Variants in LUZP1 observed in about 807,000 individuals in gnomAD.
The protein encoded by LUZP1 is filamin mechanobinding actin cross-linking protein.
LUZP1 carries 25 observed loss-of-function variants against 71.3 expected under a neutral mutation model. That is an observed-to-expected ratio of 0.35 (90% CI 0.26 to 0.49). The LOEUF is 0.49. Ranked by LOEUF, LUZP1 falls within the 20% of genes least tolerant of loss-of-function variation. The pLI is 0.99. For missense variants in LUZP1, 1,142 were observed against 1,300.8 expected (o/e 0.88, Z 1.88); for synonymous variants, 481 against 506.4 (o/e 0.95, Z 0.67).
At chr1:23,134,355 G>A (rs906950602) in intron 2 of LUZP1, among the ~76,000 whole-genome samples, 3 of 151,700 alleles carry the variant, frequency 2.0e-5, no homozygotes, top group East Asian at 1.9e-4. Context: ...GGTGGTGCAC[G>A]TCTGCAGACC....
intron 2 of LUZP1, among the ~76,000 whole-genome samples, chr1:23,157,841 T>C (rs1309950963): frequency 9.9e-6 from 1 of 100,682 alleles, no homozygotes; most frequent in Admixed American, 1.1e-4. Context: ...ATCTTGCCCC[T>C]ACCAAAAAAA....
chr1:23,098,639 G>A (rs959050687), intron 3 of LUZP1, among the ~76,000 whole-genome samples: 4 of 152,128 alleles, frequency 2.6e-5, no homozygotes, highest in African/African-American at 9.7e-5. Flanking sequence ...TCAGGGCGTC[G>A]ACAGACGGCA....
At chr1:23,177,241 C>G (rs537543424) in intron 1 of LUZP1, among the ~76,000 whole-genome samples, 23 of 152,192 alleles carry the variant, frequency 1.5e-4, no homozygotes, top group African/African-American at 5.3e-4. Context: ...TTTGAAACTT[C>G]GAAGAAAAAT....
intron 3 of LUZP1, among the ~76,000 whole-genome samples, chr1:23,098,154 C>G (rs958327331): frequency 6.6e-6 from 1 of 152,156 alleles, no homozygotes; most frequent in Non-Finnish European, 1.5e-5. Context: ...TGGACTGAAC[C>G]AGATCGAAGC....
intron 2 of LUZP1, among the ~76,000 whole-genome samples, chr1:23,168,514 T>G (rs1365149626): frequency 7.1e-6 from 1 of 140,048 alleles, no homozygotes; most frequent in African/African-American, 2.7e-5. Flanking sequence ...AAAAATCTCC[T>G]CAGAGTCTCT....
Position 23,093,971 on chromosome 1 carries a change from T to C in LUZP1, c.291A>G (p.Glu97=), listed in dbSNP as rs1372773689. Residue 97 remains glutamate (E), a synonymous_variant, in exon 4 of 5, where the codon GAA becomes GAG. Coordinates refer to ENST00000302291, the Ensembl canonical transcript of LUZP1. This position sits in a 1 kb window ranked among gnomAD's most constrained non-coding sequence, Gnocchi z 4.2. Reference sequence around the variant, plus strand: ...GCTCCCGGGTGAGGTTTTCTTCCTCTTCAAGTTTCTCCTTCATCAGACGAC... The same window carrying C: ...GCTCCCGGGTGAGGTTTTCTTCCTCCTCAAGTTTCTCCTTCATCAGACGAC... 6.2e-7 allele frequency: 1 copy of C among 1,614,196 alleles called. No homozygotes were observed. Among genetic ancestry groups the C allele is most frequent in the Non-Finnish European group, 8.5e-7 (1 of 1,180,028 alleles).
At chr1:23,118,748 T>C (rs1644106296) in intron 2 of LUZP1, among the ~76,000 whole-genome samples, 1 of 152,234 alleles carries the variant, frequency 6.6e-6, no homozygotes, top group Non-Finnish European at 1.5e-5. Flanking sequence ...CTCTTCTTCC[T>C]GGCAGCTGAA....
chr1:23,105,333 C>T (rs570669841), intron 3 of LUZP1, among the ~76,000 whole-genome samples: 1 of 152,286 alleles, frequency 6.6e-6, no homozygotes, highest in South Asian at 2.1e-4. Flanking sequence ...GGCTTTGTTT[C>T]CAAATAAACT....
At chr1:23,164,369 C>G (rs1189824183) in intron 2 of LUZP1, among the ~76,000 whole-genome samples, 14 of 152,000 alleles carry the variant, frequency 9.2e-5, no homozygotes, top group Admixed American at 8.5e-4. Flanking sequence ...GTGGCGGGTG[C>G]CTGTAGTCCC....
At chr1:23,110,002 T>C (rs1057037722) in intron 2 of LUZP1, among the ~76,000 whole-genome samples, 1 of 152,248 alleles carries the variant, frequency 6.6e-6, no homozygotes, top group Non-Finnish European at 1.5e-5. Context: ...CTATGCTTTA[T>C]GTTTTATATA....
At chr1:23,172,172 C>CA (rs1374988790) in intron 1 of LUZP1, among the ~76,000 whole-genome samples, 1 of 152,190 alleles carries the variant, frequency 6.6e-6, no homozygotes, top group Non-Finnish European at 1.5e-5. Flanking sequence ...AACATGTCCT[C>CA]ATCCTCCCAG....
rs139064360 is a variant in LUZP1 at position 23,127,227 on chromosome 1, T to C, written c.-225-18100A>G. On this transcript the variant is annotated intron_variant, in intron 2 of 4. Coordinates refer to ENST00000302291, the Ensembl canonical transcript of LUZP1. ...TTCTATAAGAGTTATTATTCTCATT[T>C]TAGAGATTACAAAATTGAAGCTCCA... Among the ~76,000 whole-genome samples the C allele has an allele frequency of 3.3e-5, 5 of 152,356 alleles. No homozygotes were observed. The East Asian group carries it at 9.6e-4, about 29-fold the overall frequency.
At chr1:23,125,531 A>G (rs1644165365) in intron 2 of LUZP1, among the ~76,000 whole-genome samples, 1 of 152,218 alleles carries the variant, frequency 6.6e-6, no homozygotes, top group Non-Finnish European at 1.5e-5. Flanking sequence ...AATTTTCAAT[A>G]AACACGGAAA....
At chr1:23,168,503 G>GA (rs1644528969) in intron 2 of LUZP1, among the ~76,000 whole-genome samples, 1 of 143,702 alleles carries the variant, frequency 7.0e-6, no homozygotes, top group African/African-American at 2.6e-5. Flanking sequence ...CCCTCCCGAG[G>GA]AAAAATCTCC....
chr1:23,130,762 C>T lies in LUZP1; in HGVS notation c.-225-21635G>A, dbSNP rs115326981. Among the ~76,000 whole-genome samples, 482 of 152,148 alleles carry T rather than the reference C, an allele frequency of 3.2e-3. 2 individuals carry two copies. The highest frequency in any genetic ancestry group is 0.011 in the African/African-American group (465 of 41,490). ...TTTGTATTCATCAATGGTTTCCTATCACTTAAAATAAAACTCTACAGAATC... is the reference window on the plus strand; with the variant it reads ...TTTGTATTCATCAATGGTTTCCTATTACTTAAAATAAAACTCTACAGAATC... On this transcript the variant is annotated intron_variant, in intron 2 of 4. Transcript: ENST00000302291.
At chr1:23,138,120 G>A (rs1157442821) in intron 2 of LUZP1, among the ~76,000 whole-genome samples, 1 of 152,108 alleles carries the variant, frequency 6.6e-6, no homozygotes, top group Non-Finnish European at 1.5e-5. Context: ...ACAGGTGCAT[G>A]ACATCACGAC....
chr1:23,119,162 G>C (rs1644109700), intron 2 of LUZP1, among the ~76,000 whole-genome samples: 1 of 150,180 alleles, frequency 6.7e-6, no homozygotes, highest in Non-Finnish European at 1.5e-5. Context: ...CATAATTATA[G>C]ACCACCTTAT....
chr1:23,093,896 C>A lies in LUZP1; in HGVS notation c.366G>T (p.Lys122Asn). Residue 122 changes from lysine (K) to asparagine (N), a missense_variant, in exon 4 of 5, where the codon AAG becomes AAT. By Grantham distance (94) the Lys-to-Asn change is moderately conservative. Transcript: ENST00000302291. This position sits in a 1 kb window ranked among gnomAD's most constrained non-coding sequence, Gnocchi z 4.2. ...TACTCCTGCTGAAGGCCTCTTCTAGCTTCTCTAATTCAGCCATTCGTTTCT... is the reference window on the plus strand; with the variant it reads ...TACTCCTGCTGAAGGCCTCTTCTAGATTCTCTAATTCAGCCATTCGTTTCT... 1 of 1,614,150 alleles carries A rather than the reference C, an allele frequency of 6.2e-7. No individual in the cohort carries two copies.
chr1:23,089,756 C>CTT (rs10559844), intron 4 of LUZP1, among the ~76,000 whole-genome samples: 1 of 146,676 alleles, frequency 6.8e-6, no homozygotes, highest in Non-Finnish European at 1.5e-5. Context: ...CCACACCTGG[C>CTT]TTTTTTTTTT....
Sources: allele counts gnomAD v4.1 joint callset (sites outside exome capture counted in the v4.1 genomes callset), GRCh38; gene constraint gnomAD v4.1.1; non-coding constraint Gnocchi (gnomAD v3.1); transcripts MANE v1.5; gene names NCBI Gene and HGNC (gene_info 2026-07-23, HGNC 2026-07-21).